Variants in MED12L observed in about 807,000 individuals in gnomAD.
The protein encoded by MED12L is mediator of RNA polymerase II transcription subunit 12-like protein.
Under a neutral mutation model 281.3 loss-of-function variants are expected in MED12L, and 60 were observed. That is an observed-to-expected ratio of 0.21 (90% CI 0.17 to 0.26). The LOEUF (loss-of-function observed/expected upper bound fraction) is 0.26. Ranked by LOEUF, MED12L falls within the 10% of genes least tolerant of loss-of-function variation. The pLI is 1.00. For missense variants in MED12L, 2,146 were observed against 2,680.9 expected (o/e 0.80, Z 4.41); for synonymous variants, 974 against 987.2 (o/e 0.99, Z 0.25).
chr3:151,267,857 G>A (rs539651009), intron 16 of MED12L, among the ~76,000 whole-genome samples: 2 of 152,268 alleles, frequency 1.3e-5, no homozygotes, highest in South Asian at 2.1e-4. Flanking sequence ...CAAGGAAACA[G>A]CTGTCAAAAT....
chr3:151,108,470 G>C (rs1711496521), intron 2 of MED12L, among the ~76,000 whole-genome samples: 1 of 152,152 alleles, frequency 6.6e-6, no homozygotes, highest in Non-Finnish European at 1.5e-5. Flanking sequence ...CCCAAACTGG[G>C]GTTTACAGAC....
At chr3:151,143,402 T>A (rs1487528411) in intron 5 of MED12L, among the ~76,000 whole-genome samples, 1 of 152,232 alleles carries the variant, frequency 6.6e-6, no homozygotes, top group African/African-American at 2.4e-5. Context: ...TAAATTCCAA[T>A]GCAAAGTGAA....
chr3:151,261,646 C>T (rs1334347602), intron 16 of MED12L, among the ~76,000 whole-genome samples: 1 of 152,002 alleles, frequency 6.6e-6, no homozygotes, highest in Non-Finnish European at 1.5e-5. Flanking sequence ...ACCTCCATTC[C>T]TGAAACTCAG....
intron 16 of MED12L, among the ~76,000 whole-genome samples, chr3:151,312,640 G>A (rs1577305899): frequency 6.6e-6 from 1 of 152,340 alleles, no homozygotes; most frequent in Non-Finnish European, 1.5e-5. Context: ...CTTTCTGGGA[G>A]CTTGAGAAGT....
At chr3:151,372,426 C>G in intron 26 of MED12L, 141 bp from the exon 27 acceptor site, 1 of 645,936 alleles carries the variant, frequency 1.5e-6, no homozygotes. Flanking sequence ...GATCCATTCT[C>G]TCTATTCCTG....
At chr3:151,212,802 C>T (rs1163653045) in intron 16 of MED12L, 1 of 151,844 alleles carries the variant, frequency 6.6e-6, no homozygotes, top group Non-Finnish European at 1.5e-5. Flanking sequence ...TTCTTCAAAT[C>T]AGGAAAAAAA....
intron 5 of MED12L, among the ~76,000 whole-genome samples, chr3:151,130,339 C>T (rs547971325): frequency 2.0e-5 from 3 of 152,234 alleles, no homozygotes; most frequent in African/African-American, 4.8e-5. Context: ...ACATTCAGTC[C>T]GTCAACAATC....
intron 16 of MED12L, chr3:151,294,845 A>G (rs781349145): frequency 1.1e-5 from 17 of 1,614,140 alleles, no homozygotes; most frequent in Non-Finnish European, 1.3e-5. Flanking sequence ...AATGCTTATC[A>G]GCCCAAGGAA....
chr3:151,087,181 C>T (rs1252835704), intron 2 of MED12L, among the ~76,000 whole-genome samples, 156 bp downstream of exon 2: 2 of 152,132 alleles, frequency 1.3e-5, no homozygotes, highest in African/African-American at 2.4e-5. Context: ...TGGGCGACCC[C>T]CCGGCGGCGG....
chr3:151,106,247 CTTTCCT>C (rs1232800154), intron 2 of MED12L, among the ~76,000 whole-genome samples: 3 of 146,672 alleles, frequency 2.0e-5, no homozygotes, highest in Non-Finnish European at 3.0e-5. Context: ...CTTTCCTTTC[CTTTCCT>C]TTTCCTTTTC....
chr3:151,427,901 T>A (rs530241557), intron 43 of MED12L, among the ~76,000 whole-genome samples: 1 of 152,356 alleles, frequency 6.6e-6, no homozygotes, highest in African/African-American at 2.4e-5. Flanking sequence ...AGATGATAGA[T>A]GTCATAGATA....
At chr3:151,198,974 A>G in intron 16 of MED12L, 1 of 1,614,062 alleles carries the variant, frequency 6.2e-7, no homozygotes, top group Non-Finnish European at 8.5e-7. Flanking sequence ...CATTAGCCAC[A>G]CAACGGTTGA....
At chr3:151,425,829 C>G (rs1718818347) in intron 43 of MED12L, 1 of 442,188 alleles carries the variant, frequency 2.3e-6, no homozygotes, top group Admixed American at 2.4e-5. Flanking sequence ...CAGTGATTCA[C>G]TCTTTAAATG....
intron 16 of MED12L, among the ~76,000 whole-genome samples, chr3:151,279,867 T>A (rs1285260771): frequency 3.3e-5 from 5 of 152,262 alleles, no homozygotes; most frequent in Admixed American, 3.3e-4. Context: ...TGCTGTTTAC[T>A]CTGACAGTCT....
intron 16 of MED12L, among the ~76,000 whole-genome samples, chr3:151,234,976 G>A (rs577277872): frequency 2.0e-5 from 3 of 152,264 alleles, no homozygotes; most frequent in South Asian, 4.1e-4. Context: ...TTCTAACCAC[G>A]TCATGGACGT....
At chr3:151,340,571 C>G (rs1272997904) in intron 16 of MED12L, 1 of 152,520 alleles carries the variant, frequency 6.6e-6, no homozygotes, top group East Asian at 1.9e-4. Context: ...ATATATTTGT[C>G]AAGTACTTGT....
At chr3:151,380,872 G>T (rs934343944) in intron 32 of MED12L, among the ~76,000 whole-genome samples, 1 of 152,188 alleles carries the variant, frequency 6.6e-6, no homozygotes, top group Non-Finnish European at 1.5e-5. Context: ...AGTGAGTCCA[G>T]CTCCTCAAGC....
intron 43 of MED12L, chr3:151,425,860 CTT>C: frequency 2.4e-6 from 1 of 415,426 alleles, no homozygotes; most frequent in South Asian, 1.7e-5. Context: ...TGGATGATAA[CTT>C]CAGCTGATCT....
At chr3:151,226,498 C>G (rs2149297843) in intron 16 of MED12L, among the ~76,000 whole-genome samples, 1 of 152,272 alleles carries the variant, frequency 6.6e-6, no homozygotes, top group South Asian at 2.1e-4. Flanking sequence ...GATTCCAAGC[C>G]AGGGCTCCCC....
Sources: allele counts gnomAD v4.1 joint callset (sites outside exome capture counted in the v4.1 genomes callset), GRCh38; gene constraint gnomAD v4.1.1; transcripts MANE v1.5; gene names NCBI Gene and HGNC (gene_info 2026-07-23, HGNC 2026-07-21).